NMNAT3: variants seen among roughly 807,000 people sequenced by gnomAD.
NMNAT3 encodes the protein nicotinamide/nicotinic acid mononucleotide adenylyltransferase 3.
NMNAT3 carries 21 observed loss-of-function variants against 24.8 expected under a neutral mutation model. The ratio of observed to expected loss-of-function variants is 0.85; its 90% confidence interval spans 0.60 to 1.22. NMNAT3 has a LOEUF of 1.22. NMNAT3 is among the 50% of genes most tolerant of loss of function. The probability of loss-of-function intolerance (pLI) is 0.00; values close to 1 mark genes in which losing one functional copy is unlikely to be tolerated. For missense variants in NMNAT3, 387 were observed against 436.6 expected, an observed-to-expected ratio of 0.89 and a Z score of 1.01; for synonymous variants, 136 against 155.2, an observed-to-expected ratio of 0.88 and a Z score of 0.92.
intron 1 of NMNAT3, among the ~76,000 whole-genome samples, chr3:139,676,250 A>C (rs2057926275): frequency 6.6e-6 from 1 of 152,230 alleles, no homozygotes; most frequent in Non-Finnish European, 1.5e-5. Context: ...AATGTTGTGA[A>C]CAGAGCCAAA....
intron 6 of NMNAT3, chr3:139,570,626 TG>T (rs1007811792): frequency 6.6e-6 from 1 of 152,386 alleles, no homozygotes; most frequent in Non-Finnish European, 1.5e-5. Flanking sequence ...CCCGTTTGCC[TG>T]GGTATCAGCA....
intron 1 of NMNAT3, among the ~76,000 whole-genome samples, chr3:139,664,431 C>T (rs2057513295): frequency 6.6e-6 from 1 of 152,162 alleles, no homozygotes; most frequent in East Asian, 1.9e-4. Context: ...GCTATGATTC[C>T]TGAAGAACAA....
intron 2 of NMNAT3, among the ~76,000 whole-genome samples, chr3:139,632,440 C>T (rs2108326343): frequency 6.6e-6 from 1 of 152,372 alleles, no homozygotes; most frequent in South Asian, 2.1e-4. Context: ...CCCTACAGAA[C>T]TGGAGGTTGA....
chr3:139,600,024 G>A (rs1198576900), intron 3 of NMNAT3, among the ~76,000 whole-genome samples: 2 of 152,174 alleles, frequency 1.3e-5, no homozygotes, highest in Non-Finnish European at 2.9e-5. Context: ...TCTCCTCAGT[G>A]CCCTTGGAAT....
chr3:139,621,486 C>T (rs955662437), intron 3 of NMNAT3, among the ~76,000 whole-genome samples: 14 of 152,210 alleles, frequency 9.2e-5, no homozygotes, highest in Admixed American at 7.9e-4. Context: ...ATTCTCATGC[C>T]TCTGCCTCCC....
chr3:139,630,548 AGTG>A (rs919316530), intron 2 of NMNAT3, among the ~76,000 whole-genome samples: 8 of 152,204 alleles, frequency 5.3e-5, no homozygotes, highest in Non-Finnish European at 1.2e-4. Context: ...TAGGAAGGGA[AGTG>A]GTGTTTTCTC....
chr3:139,651,120 G>A (rs1287777937), intron 1 of NMNAT3, among the ~76,000 whole-genome samples: 2 of 152,326 alleles, frequency 1.3e-5, no homozygotes, highest in East Asian at 3.9e-4. Context: ...AGAGCATGGA[G>A]TTGGCATGAC....
intron 1 of NMNAT3, among the ~76,000 whole-genome samples, chr3:139,659,247 T>C (rs1201557542): frequency 6.6e-6 from 1 of 152,210 alleles, no homozygotes; most frequent in East Asian, 1.9e-4. Flanking sequence ...TCACTAGCAT[T>C]AGGACCTGTT....
chr3:139,589,159 T>C (rs913647711), intron 3 of NMNAT3, among the ~76,000 whole-genome samples: 16 of 152,154 alleles, frequency 1.1e-4, no homozygotes, highest in African/African-American at 3.6e-4. Flanking sequence ...TTTGCAGGAA[T>C]TGTATGCAGG....
intron 1 of NMNAT3, among the ~76,000 whole-genome samples, chr3:139,648,515 G>A (rs548173865): frequency 2.6e-5 from 4 of 152,334 alleles, no homozygotes; most frequent in East Asian, 1.9e-4. Context: ...AACAGATTAA[G>A]TATGAAGGGG....
chr3:139,653,780 C>T (rs2057138453), intron 1 of NMNAT3, among the ~76,000 whole-genome samples: 1 of 152,194 alleles, frequency 6.6e-6, no homozygotes, highest in Non-Finnish European at 1.5e-5. Flanking sequence ...GACTTTCTTC[C>T]CCTACTTCCA....
chr3:139,638,216 C>G (rs569333323), intron 1 of NMNAT3, among the ~76,000 whole-genome samples, 154 bp from the exon 2 acceptor site: 1 of 152,308 alleles, frequency 6.6e-6, no homozygotes, highest in African/African-American at 2.4e-5. Context: ...GGTGTCAGTT[C>G]CCTTCCAAAC....
At position 139,561,258 on chromosome 3, in the gene NMNAT3, C is replaced by T. The variant is rs375842109; in HGVS notation, c.793G>A (p.Asp265Asn). The change falls in exon 7 of 7, where the codon GAC becomes AAC. Residue 265 changes from aspartate to asparagine, a missense_variant. Asp to Asn is a conservative substitution (Grantham distance 23, BLOSUM62 1). Transcript: ENST00000643695. Reference sequence around the variant, plus strand: ...GATTCTGCGATGTAACCTTTTGGGTCGTGACCTACTCGGCCCACGCACACC... The same window carrying T: ...GATTCTGCGATGTAACCTTTTGGGTTGTGACCTACTCGGCCCACGCACACC... The T allele has an allele frequency of 1.2e-5, 19 of 1,613,916 alleles. No homozygotes were observed. Among genetic ancestry groups the T allele is most frequent in the South Asian group, 6.6e-5 (6 of 91,066 alleles).
intron 3 of NMNAT3, among the ~76,000 whole-genome samples, chr3:139,593,500 G>T (rs1443673097): frequency 6.6e-6 from 1 of 152,086 alleles, no homozygotes; most frequent in South Asian, 2.1e-4. Context: ...CAAATCAACA[G>T]AATATACATT....
chr3:139,567,429 T>C (rs903017307), intron 6 of NMNAT3: 5 of 152,192 alleles, frequency 3.3e-5, no homozygotes, highest in Admixed American at 3.3e-4. Context: ...GGCATCCCTG[T>C]CTTGTGCCCG....
In NMNAT3 at chr3:139,655,209, G is replaced by A. The variant is rs145081519; in HGVS notation, c.-140-17147C>T. 9.1e-4 allele frequency among the ~76,000 whole-genome samples: 139 copies of A among 152,306 alleles called. 1 individual carries two copies. Among genetic ancestry groups the A allele is most frequent in the Non-Finnish European group, 1.5e-3 (105 of 68,022 alleles). On this transcript the variant is annotated intron_variant, in intron 1 of 6. Transcript: ENST00000643695. ...TGGCTAAGGTGCATGGGAGGCCTGC[G>A]CCAGCCTGCCAAGGGCCTTATGCTC...
In NMNAT3 at chr3:139,677,019, T is replaced by TC. The variant is rs757816824; in HGVS notation, c.-141+685dup. On this transcript the variant is annotated intron_variant, in intron 1 of 6. Coordinates refer to ENST00000643695, the MANE Select transcript of NMNAT3 (RefSeq NM_001320510.2). The stretch of plus-strand genomic sequence containing the variant: ...AACGTTAAGGTTAAGGAACTTGCTT[T>TC]CCCCCCAGCTCTCTGCAGGCCAGCC... Among the ~76,000 whole-genome samples, 859 of 152,184 alleles carry TC rather than the reference T, an allele frequency of 5.6e-3. 2 individuals carry two copies. Among genetic ancestry groups the TC allele is most frequent in the Non-Finnish European group, 0.011 (720 of 68,006 alleles).
At chr3:139,646,164 T>C (rs2056864415) in intron 1 of NMNAT3, among the ~76,000 whole-genome samples, 2 of 152,220 alleles carry the variant, frequency 1.3e-5, no homozygotes, top group Admixed American at 1.3e-4. Context: ...TAAAAAACCA[T>C]GTGCAGATTT....
At chr3:139,570,177 T>C (rs1245569152) in intron 6 of NMNAT3, 2 of 152,224 alleles carry the variant, frequency 1.3e-5, no homozygotes, top group Non-Finnish European at 2.9e-5. Flanking sequence ...CTCTCGTGCC[T>C]TGGTTTTCAG....
Sources: gnomAD v4.1 joint callset for allele counts (sites outside exome capture counted in the v4.1 genomes callset) on GRCh38, gnomAD v4.1.1 for gene constraint, MANE v1.5 for transcripts, NCBI Gene and HGNC (gene_info 2026-07-23, HGNC 2026-07-21) for gene names.